The following COMMD1 variants were observed in gnomAD, a reference collection of about 807,000 sequenced individuals.
COMMD1 encodes copper metabolism domain containing 1.
A neutral mutation model predicts 17.2 loss-of-function variants in COMMD1; 10 were observed. The observed-to-expected ratio is 0.58, with a 90% CI of 0.36 to 0.99. The LOEUF (loss-of-function observed/expected upper bound fraction) is 0.99, where lower values mean the gene tolerates loss of function less well. COMMD1 is among the 50% of genes least tolerant of loss of function. The pLI is 0.01. For missense variants in COMMD1, 270 were observed against 231.8 expected (o/e 1.17, Z -1.07); for synonymous variants, 97 against 91.6 (o/e 1.06, Z -0.34).
chr2:62,003,190 G>A (rs1319246554), intron 2 of COMMD1, among the ~76,000 whole-genome samples: 4 of 150,816 alleles, frequency 2.7e-5, no homozygotes, highest in Non-Finnish European at 4.4e-5. Context: ...CCGAGATGGT[G>A]CCACTGCACT....
intron 1 of COMMD1, among the ~76,000 whole-genome samples, chr2:61,926,788 C>CTTT: frequency 6.6e-6 from 1 of 152,190 alleles, no homozygotes; most frequent in African/African-American, 2.4e-5. Flanking sequence ...CCTGTTCTTC[C>CTTT]TTTTATTCCC....
intron 1 of COMMD1, chr2:61,969,264 A>G (rs1671585629): frequency 6.5e-6 from 1 of 153,364 alleles, no homozygotes; most frequent in Non-Finnish European, 1.5e-5. Flanking sequence ...TGCAGGCTAT[A>G]GAAATACAAG....
chr2:62,001,031 A>G (rs1016486086), intron 2 of COMMD1, 49 bp downstream of exon 2: 2 of 1,541,184 alleles, frequency 1.3e-6, no homozygotes, highest in African/African-American at 1.4e-5. Flanking sequence ...ATTTTTCACT[A>G]CATGTTAGCT....
At position 62,121,947 on chromosome 2, in the gene COMMD1, G is replaced by A. The variant is rs1410543950; in HGVS notation, c.463-13884G>A. On this transcript the variant is annotated intron_variant, in intron 2 of 2. Transcript: ENST00000311832. ...GCTAGGACTACAGGTACCCACCACCGTGCCCAGCTAATTTTTTGTATTTTT... is the reference window on the plus strand; with the variant it reads ...GCTAGGACTACAGGTACCCACCACCATGCCCAGCTAATTTTTTGTATTTTT... Among the ~76,000 whole-genome samples, 4 of 151,858 alleles carry A rather than the reference G, an allele frequency of 2.6e-5. 1 individual carries two copies. Among genetic ancestry groups the A allele is most frequent in the African/African-American group, 4.8e-5 (2 of 41,332 alleles).
chr2:62,072,450 G>C (rs1671222512), intron 2 of COMMD1, among the ~76,000 whole-genome samples: 1 of 152,170 alleles, frequency 6.6e-6, no homozygotes, highest in African/African-American at 2.4e-5. Flanking sequence ...CCCACTTAAA[G>C]TCCCTCTCTG....
chr2:61,888,659 G>C, upstream of COMMD1: 1 of 888,800 alleles, frequency 1.1e-6, no homozygotes, highest in Non-Finnish European at 1.6e-6. Flanking sequence ...CGGAGAAGGG[G>C]GCCTTCCTTG....
intron 1 of COMMD1, among the ~76,000 whole-genome samples, chr2:61,947,646 G>A (rs1670942669): frequency 2.0e-5 from 3 of 151,816 alleles, no homozygotes; most frequent in Admixed American, 2.0e-4. Context: ...TCGCGCCACT[G>A]CACTCCAGCA....
chr2:61,918,809 G>GA (rs1216409007), intron 1 of COMMD1, among the ~76,000 whole-genome samples: 2 of 151,746 alleles, frequency 1.3e-5, no homozygotes, highest in Non-Finnish European at 2.9e-5. Context: ...GCAGAAATAT[G>GA]AAAAAAAATC....
Position 61,988,815 on chromosome 2 carries a change from C to T in COMMD1, c.181-11886C>T, listed in dbSNP as rs574912573. Among the ~76,000 whole-genome samples, 7 of 152,274 alleles carry T rather than the reference C, an allele frequency of 4.6e-5. No individual in the cohort carries two copies. The East Asian group carries it at 1.4e-3, about 29-fold the overall frequency. On this transcript the variant is annotated intron_variant, in intron 1 of 2. Coordinates refer to ENST00000311832, the MANE Select transcript of COMMD1 (RefSeq NM_152516.4). ...AGCTCTTTAGCTTTCTGTGGTGAGG[C>T]TTGCCGAACTCAAGTTCTGGCTTCT...
At chr2:61,904,307 G>A (rs1422723519), upstream of COMMD1, among the ~76,000 whole-genome samples, 9 of 152,130 alleles carry the variant, frequency 5.9e-5, no homozygotes, top group Non-Finnish European at 1.0e-4. Context: ...CACCGTGCCC[G>A]GCAACACAAT....
chr2:61,942,069 A>C (rs1211451832), intron 1 of COMMD1, among the ~76,000 whole-genome samples: 1 of 152,148 alleles, frequency 6.6e-6, no homozygotes, highest in African/African-American at 2.4e-5. Context: ...ACTAGGAAAA[A>C]AATTTACATT....
At chr2:61,983,922 A>G (rs1201272825) in intron 1 of COMMD1, among the ~76,000 whole-genome samples, 1 of 152,012 alleles carries the variant, frequency 6.6e-6, no homozygotes, top group Admixed American at 6.6e-5. Context: ...ATGCATCATT[A>G]TGTTGTTTAT....
At position 62,014,542 on chromosome 2, in the gene COMMD1, C is replaced by CTTTTTTTTTTTTTTTT. The variant is rs67886279; in HGVS notation, c.462+13582_462+13597dup. On this transcript the variant is annotated intron_variant, in intron 2 of 2. Coordinates refer to ENST00000311832, the MANE Select transcript of COMMD1 (RefSeq NM_152516.4). ...CATAACAAAATTTTACCATTTTAAC[C>CTTTTTTTTTTTTTTTT]TTTTTTTTTTTTTTTTTTTTTTTTT... Among the ~76,000 whole-genome samples the CTTTTTTTTTTTTTTTT allele has an allele frequency of 2.5e-4, 16 of 63,568 alleles. 1 individual carries two copies. Among genetic ancestry groups the CTTTTTTTTTTTTTTTT allele is most frequent in the African/African-American group, 7.8e-4 (11 of 14,022 alleles). 41.7% of individuals were successfully genotyped at this position (63,568 alleles called of 152,430 possible). A position where few individuals can be genotyped will look rare whatever the true frequency, so the allele number is the denominator to read the frequency against.
At chr2:61,901,199 G>A (rs57677989), upstream of COMMD1, among the ~76,000 whole-genome samples, 67 of 150,980 alleles carry the variant, frequency 4.4e-4, no homozygotes, top group African/African-American at 1.5e-3. Context: ...TGCCTGCCTC[G>A]GCCTCCCAAA....
At chr2:61,986,077 A>G (rs1672097382) in intron 1 of COMMD1, among the ~76,000 whole-genome samples, 3 of 152,058 alleles carry the variant, frequency 2.0e-5, no homozygotes. Flanking sequence ...ATGAAATCCC[A>G]CAGCTTTTGA....
At position 62,008,180 on chromosome 2, in the gene COMMD1, CTAAA is replaced by C. The variant is rs1281380539; in HGVS notation, c.462+7210_462+7213del. Reference sequence around the variant, plus strand: ...ACAGAGTGAAAGTGAGACCTTGTCTCTAAATAAATAAATAAGTAAATAAATAAAA... The same window carrying C: ...ACAGAGTGAAAGTGAGACCTTGTCTCTAAATAAATAAGTAAATAAATAAAA... On this transcript the variant is annotated intron_variant, in intron 2 of 2. Transcript: ENST00000311832. Among the ~76,000 whole-genome samples, 4 of 152,066 alleles carry C rather than the reference CTAAA, an allele frequency of 2.6e-5. No homozygotes were observed. In the South Asian group the frequency reaches 8.3e-4, roughly 32 times the overall value.
chr2:62,102,430 TTC>T (rs1222531053), intron 2 of COMMD1, among the ~76,000 whole-genome samples: 12 of 152,206 alleles, frequency 7.9e-5, no homozygotes, highest in African/African-American at 9.6e-5. Flanking sequence ...ACTAAACATT[TTC>T]TCTTTTTTCT....
chr2:62,113,564 A>G (rs888117187), intron 2 of COMMD1, among the ~76,000 whole-genome samples: 7 of 152,088 alleles, frequency 4.6e-5, no homozygotes, highest in Admixed American at 2.0e-4. Flanking sequence ...TTGTATTTTT[A>G]GTAGAGACGG....
chr2:62,102,407 C>T (rs1672210540), intron 2 of COMMD1, among the ~76,000 whole-genome samples: 1 of 152,200 alleles, frequency 6.6e-6, no homozygotes, highest in Non-Finnish European at 1.5e-5. Context: ...TTAATACGCA[C>T]TCAAATACCT....
Sources: allele counts gnomAD v4.1 joint callset (sites outside exome capture counted in the v4.1 genomes callset), GRCh38; gene constraint gnomAD v4.1.1; transcripts MANE v1.5; gene names NCBI Gene and HGNC (gene_info 2026-07-23, HGNC 2026-07-21).